The following TNKS variants were observed in gnomAD, a reference collection of about 807,000 sequenced individuals.
TNKS encodes poly [ADP-ribose] polymerase tankyrase-1.
In TNKS, 72 loss-of-function variants were observed where a neutral mutation model predicts 135.8. The ratio of observed to expected loss-of-function variants is 0.53; its 90% CI spans 0.44 to 0.64. The LOEUF is 0.64. TNKS is among the 30% of genes least tolerant of loss of function. The probability of loss-of-function intolerance (pLI) is 0.00; values close to 1 mark genes in which losing one functional copy is unlikely to be tolerated. For synonymous variants in TNKS, 849 were observed against 649.3 expected (o/e 1.31, Z -4.68); for missense variants, 1,769 against 1,674.0 (o/e 1.06, Z -0.99).
chr8:9,600,192 C>T (rs958139815), intron 2 of TNKS, among the ~76,000 whole-genome samples: 6 of 152,170 alleles, frequency 3.9e-5, no homozygotes. Context: ...CTAGCCTGTG[C>T]AGTTTGGCCC....
In TNKS at chr8:9,744,654, T is replaced by C. The variant is rs536293656; in HGVS notation, c.2644-3370T>C. Among the ~76,000 whole-genome samples, 5 of 152,338 alleles carry C rather than the reference T, an allele frequency of 3.3e-5. 1 individual carries two copies. Among genetic ancestry groups the C allele is most frequent in the African/African-American group, 9.6e-5 (4 of 41,576 alleles). On this transcript the variant is annotated intron_variant, in intron 17 of 26. Coordinates refer to ENST00000310430, the MANE Select transcript of TNKS (RefSeq NM_003747.3). ...TGGACCTTCTAGTTCAATACTTTGC[T>C]CTTATATACTGTGTTGAATAGAACT...
chr8:9,629,600 T>C (rs1442708120), intron 3 of TNKS, among the ~76,000 whole-genome samples: 2 of 152,204 alleles, frequency 1.3e-5, no homozygotes, highest in African/African-American at 4.8e-5. Context: ...CTTTCTTCTC[T>C]TCCCAGTTTG....
At chr8:9,669,477 G>C (rs1026720394) in intron 3 of TNKS, among the ~76,000 whole-genome samples, 9 of 151,676 alleles carry the variant, frequency 5.9e-5, no homozygotes, top group Non-Finnish European at 1.0e-4. Context: ...ACAAGGCATT[G>C]TATGGATTAT....
chr8:9,596,410 T>C (rs1798789044), intron 2 of TNKS, among the ~76,000 whole-genome samples: 2 of 152,214 alleles, frequency 1.3e-5, no homozygotes, highest in South Asian at 4.1e-4. Flanking sequence ...TAGAAAACTA[T>C]TAAGTATAAT....
chr8:9,758,598 G>C (rs142648842), intron 20 of TNKS, among the ~76,000 whole-genome samples: 1 of 152,112 alleles, frequency 6.6e-6, no homozygotes, highest in Non-Finnish European at 1.5e-5. Context: ...TGGCTTAGTT[G>C]GGTGCCTCTG....
At chr8:9,721,994 A>G (rs1413440095) in intron 12 of TNKS, among the ~76,000 whole-genome samples, 1 of 151,728 alleles carries the variant, frequency 6.6e-6, no homozygotes, top group Non-Finnish European at 1.5e-5. Context: ...CGGAGGTTGC[A>G]GTGAGCCAAG....
chr8:9,717,103 T>TATATATATATATATATTA (rs1554476739), intron 11 of TNKS, among the ~76,000 whole-genome samples: 1 of 39,332 alleles, frequency 2.5e-5, no homozygotes, highest in Non-Finnish European at 5.8e-5. Flanking sequence ...ATATATATAT[T>TATATATATATATATATTA]TTCAGGGAAT....
chr8:9,706,430 C>G (rs374868924), intron 7 of TNKS, among the ~76,000 whole-genome samples, 177 bp downstream of exon 7: 1 of 152,226 alleles, frequency 6.6e-6, no homozygotes, highest in South Asian at 2.1e-4. Context: ...GTGGCACATT[C>G]ACAGCTCACT....
chr8:9,690,185 A>C (rs1323502267), intron 5 of TNKS, among the ~76,000 whole-genome samples: 1 of 152,230 alleles, frequency 6.6e-6, no homozygotes, highest in Non-Finnish European at 1.5e-5. Flanking sequence ...TTGTGAGAGC[A>C]TGCTAGAAAC....
At chr8:9,647,627 T>C (rs1004841802) in intron 3 of TNKS, among the ~76,000 whole-genome samples, 9 of 152,190 alleles carry the variant, frequency 5.9e-5, no homozygotes, top group Non-Finnish European at 1.5e-5. Context: ...GTGTGCTCCA[T>C]AACACTTCAG....
intron 3 of TNKS, among the ~76,000 whole-genome samples, chr8:9,637,321 C>A (rs1800550455): frequency 6.6e-6 from 1 of 152,050 alleles, no homozygotes; most frequent in Non-Finnish European, 1.5e-5. Flanking sequence ...GTTCTGTGTA[C>A]CAGTTTTGGT....
chr8:9,567,254 G>A (rs376154427), intron 1 of TNKS, among the ~76,000 whole-genome samples: 9 of 152,290 alleles, frequency 5.9e-5, no homozygotes, highest in African/African-American at 2.2e-4. Context: ...TTTTTTGTAA[G>A]TATGGTATTG....
rs564881303 is a variant in TNKS, at chr8:9,574,972, A to T, written c.674-5187A>T. The T allele has an allele frequency of 1.7e-5, 15 of 882,000 alleles. No homozygotes were observed. The African/African-American group carries it at 2.6e-4, about 15-fold the overall frequency. 54.6% of individuals were successfully genotyped at this position (882,000 alleles called of 1,614,324 possible). ...ACTGTGAGGTAAGAAGCAAGTGGAG[A>T]TGCTAAGAATGTGGAAAGATTCTAA... On this transcript the variant is annotated intron_variant, in intron 1 of 26. Transcript: ENST00000310430.
chr8:9,760,344 A>G (rs2128833065), intron 20 of TNKS, among the ~76,000 whole-genome samples: 1 of 152,372 alleles, frequency 6.6e-6, no homozygotes, highest in South Asian at 2.1e-4. Flanking sequence ...TAGAAGCAAT[A>G]TAGAAAATTA....
intron 17 of TNKS, among the ~76,000 whole-genome samples, chr8:9,744,628 C>T (rs1412219443): frequency 1.3e-5 from 2 of 152,170 alleles, no homozygotes; most frequent in Non-Finnish European, 2.9e-5. Flanking sequence ...AGTTTCTTTT[C>T]TGGACCTTCT....
At chr8:9,651,620 C>G (rs1182673808) in intron 3 of TNKS, among the ~76,000 whole-genome samples, 1 of 152,108 alleles carries the variant, frequency 6.6e-6, no homozygotes, top group Admixed American at 6.5e-5. Context: ...TTCAGTAGTT[C>G]AGAAATATCT....
intron 3 of TNKS, among the ~76,000 whole-genome samples, chr8:9,657,429 AC>A (rs1801440791): frequency 1.6e-5 from 1 of 64,340 alleles, no homozygotes; most frequent in Non-Finnish European, 3.1e-5. Flanking sequence ...CGGAGGGCTG[AC>A]CCCCCCACCT....
intron 3 of TNKS, among the ~76,000 whole-genome samples, chr8:9,658,980 G>C (rs1801563063): frequency 6.6e-6 from 1 of 152,148 alleles, no homozygotes; most frequent in South Asian, 2.1e-4. Context: ...GATCAAAAGA[G>C]ACAAAGAAGG....
In TNKS at chr8:9,706,747, T is replaced by G; in HGVS notation, c.1270-64T>G. The G allele has an allele frequency of 4.8e-6, 7 of 1,461,654 alleles. No individual in the cohort carries two copies. The South Asian group carries it at 9.2e-5, about 19-fold the overall frequency. 90.5% of individuals were successfully genotyped at this position (1,461,654 alleles called of 1,614,324 possible). A position where few individuals can be genotyped will look rare whatever the true frequency, so the allele number is the denominator to read the frequency against. On this transcript the variant is annotated intron_variant, in intron 7 of 26. Transcript: ENST00000310430. Reference sequence around the variant, plus strand: ...TGAAATTTACAAAGAAATAAATGTCTTTTGAGTTTTATTTGATCCAGCAAA... The same window carrying G: ...TGAAATTTACAAAGAAATAAATGTCGTTTGAGTTTTATTTGATCCAGCAAA...
Sources: gnomAD v4.1 joint callset for allele counts (sites outside exome capture counted in the v4.1 genomes callset) on GRCh38, gnomAD v4.1.1 for gene constraint, MANE v1.5 for transcripts, NCBI Gene and HGNC (gene_info 2026-07-23, HGNC 2026-07-21) for gene names.